GPATCH1: variants seen among roughly 807,000 people sequenced by gnomAD.
GPATCH1 encodes G-patch domain containing 1, also known as G patch domain-containing protein 1.
In GPATCH1, 73 loss-of-function variants were observed where a neutral mutation model predicts 114.9. The observed-to-expected ratio is 0.64, with a 90% confidence interval of 0.53 to 0.77. The LOEUF is 0.77. Among genes scored for constraint, GPATCH1 ranks in the 30% least tolerant of loss-of-function variants. GPATCH1 has a pLI of 0.00. For missense variants in GPATCH1, 1,058 were observed against 1,144.3 expected (o/e 0.92, Z 1.09); for synonymous variants, 391 against 428.4 (o/e 0.91, Z 1.08).
At chr19:33,117,790 C>T (rs1401927147) in intron 15 of GPATCH1, 35 bp from the exon 16 acceptor site, 1 of 1,482,374 alleles carries the variant, frequency 6.7e-7, no homozygotes. Flanking sequence ...ACCCTTGCCT[C>T]TGTATCCCTG....
chr19:33,114,152 T>C lies in GPATCH1; in HGVS notation c.2030-101T>C, dbSNP rs1313342772. The C allele has an allele frequency of 7.7e-6, 9 of 1,164,054 alleles. No individual in the cohort carries two copies. The African/African-American group carries it at 1.1e-4, about 14-fold the overall frequency. 72.1% of individuals were successfully genotyped at this position (1,164,054 alleles called of 1,614,324 possible). On this transcript the variant is annotated intron_variant, in intron 14 of 19. Transcript: ENST00000170564. ...AGGACCCTACACAGTGCCAGGCCCC[T>C]AGTAGGCACGCTGACATTCTGAGTG...
intron 17 of GPATCH1, among the ~76,000 whole-genome samples, chr19:33,121,566 G>T (rs1049889138): frequency 6.6e-6 from 1 of 151,972 alleles, no homozygotes; most frequent in Non-Finnish European, 1.5e-5. Context: ...TGATCTGCCC[G>T]CCTCAGCCTC....
In GPATCH1 at chr19:33,112,603, C is replaced by G. The variant is rs1480179082; in HGVS notation, c.1882C>G (p.Pro628Ala). The G allele has an allele frequency of 6.2e-7, 1 of 1,613,398 alleles. No homozygotes were observed. The highest frequency in any genetic ancestry group is 8.5e-7 in the Non-Finnish European group (1 of 1,179,592). Residue 628 changes from proline to alanine, a missense_variant, in exon 13 of 20, where the codon CCT becomes GCT. By Grantham distance (27) the Pro-to-Ala change is conservative. This residue lies in a region of GPATCH1 where 893 missense variants were observed against 977.4 expected (regional missense o/e 0.91). Coordinates refer to ENST00000170564, the MANE Select transcript of GPATCH1 (RefSeq NM_018025.3). The part of the protein sequence containing the change: ...LLCKRFNVPD[P>A]YPDSTLVGLP... The stretch of plus-strand genomic sequence containing the variant: ...ATGTAAGAGATTTAATGTCCCTGAC[C>G]CTTATCCAGAGTAAGTTGGATAAAC...
intron 9 of GPATCH1, among the ~76,000 whole-genome samples, chr19:33,105,969 C>T (rs1018084059): frequency 1.3e-5 from 2 of 151,826 alleles, no homozygotes; most frequent in Non-Finnish European, 2.9e-5. Context: ...TGCCTCAGCA[C>T]CCCCGAGTAG....
In GPATCH1 at chr19:33,119,102, C is replaced by T; in HGVS notation, c.2506C>T (p.Pro836Ser). ...EREEFGPRLP[P>S]VFCPNARQTL... ...AGAAGAGTTCGGCCCGCGGCTGCCTCCCGTCTTCTGCCCCAGTGAGTGCAG... is the reference window on the plus strand; with the variant it reads ...AGAAGAGTTCGGCCCGCGGCTGCCTTCCGTCTTCTGCCCCAGTGAGTGCAG... Residue 836 changes from proline (P) to serine (S), a missense_variant, in exon 17 of 20, where the codon CCC becomes TCC. Around this residue, in one of 3 missense-constraint regions of GPATCH1, gnomAD observed 893 missense variants for 977.4 expected, o/e 0.91. Coordinates refer to ENST00000170564, the MANE Select transcript of GPATCH1 (RefSeq NM_018025.3). 3 of 1,606,228 alleles carry T rather than the reference C, an allele frequency of 1.9e-6. No homozygotes were observed. Among genetic ancestry groups the T allele is most frequent in the Non-Finnish European group, 2.6e-6 (3 of 1,174,474 alleles).
intron 17 of GPATCH1, among the ~76,000 whole-genome samples, chr19:33,120,548 CAAAAA>C (rs58579147): frequency 2.7e-5 from 2 of 73,002 alleles, no homozygotes; most frequent in African/African-American, 5.1e-5. Context: ...GACTCTGTCT[CAAAAA>C]AAAAAAAAAA....
chr19:33,103,869 C>T (rs545565109), intron 9 of GPATCH1, among the ~76,000 whole-genome samples: 1 of 152,186 alleles, frequency 6.6e-6, no homozygotes, highest in African/African-American at 2.4e-5. Flanking sequence ...TGGAGAGACA[C>T]AGTCCTGGGG....
chr19:33,092,058 T>C (rs1187956837), intron 3 of GPATCH1, among the ~76,000 whole-genome samples: 1 of 151,948 alleles, frequency 6.6e-6, no homozygotes, highest in Admixed American at 6.6e-5. Flanking sequence ...TCTTTTTTTT[T>C]TTTCCTGAGA....
In GPATCH1 at chr19:33,130,111, T is replaced by C; in HGVS notation, c.2766-19T>C. 6.2e-7 allele frequency: 1 copy of C among 1,606,684 alleles called. No homozygotes were observed. Among genetic ancestry groups the C allele is most frequent in the African/African-American group, 1.3e-5 (1 of 74,820 alleles). On this transcript the variant is annotated intron_variant, in intron 19 of 19. Coordinates refer to ENST00000170564, the MANE Select transcript of GPATCH1 (RefSeq NM_018025.3). ...TTTAGCTAACTTTCCATTTCTCTCT[T>C]TTCTGTTTTCTTTTCCAGGCTGAAA...
rs1156272103 is a variant in GPATCH1 at position 33,112,623 on chromosome 19, A to T, written c.1892+10A>T. On this transcript the variant is annotated intron_variant, in intron 13 of 19. Transcript: ENST00000170564. ...CTGACCCTTATCCAGAGTAAGTTGG[A>T]TAAACCTTTACATCAGTACAAAATG... The T allele has an allele frequency of 6.2e-7, 1 of 1,611,416 alleles. No homozygotes were observed. The highest frequency in any genetic ancestry group is 1.3e-5 in the African/African-American group (1 of 74,858).
chr19:33,130,093 A>G, intron 19 of GPATCH1, 37 bp from the exon 20 acceptor site: 1 of 1,586,388 alleles, frequency 6.3e-7, no homozygotes, highest in Non-Finnish European at 8.7e-7. Context: ...CACTTTAGCT[A>G]ACTTTCCATT....
chr19:33,127,130 C>T (rs959831911), intron 19 of GPATCH1, among the ~76,000 whole-genome samples: 7 of 109,172 alleles, frequency 6.4e-5, no homozygotes, highest in African/African-American at 4.4e-4. Flanking sequence ...GCAAGACCCT[C>T]TCCCTAAAAG....
intron 17 of GPATCH1, among the ~76,000 whole-genome samples, chr19:33,121,315 C>CT (rs1972981511): frequency 7.4e-6 from 1 of 134,464 alleles, no homozygotes; most frequent in African/African-American, 3.0e-5. Context: ...TTTTTCTTTT[C>CT]TTTTCTTTTT....
At chr19:33,103,419 GGCC>G (rs1972748701) in intron 9 of GPATCH1, among the ~76,000 whole-genome samples, 1 of 152,162 alleles carries the variant, frequency 6.6e-6, no homozygotes, top group Admixed American at 6.6e-5. Flanking sequence ...GGAAGCATAA[GGCC>G]GGGCACGGTG....
Position 33,130,406 on chromosome 19 carries a change from T to G in GPATCH1, c.*246T>G. On this transcript the variant is annotated 3_prime_UTR_variant, in exon 20 of 20. Coordinates refer to ENST00000170564, the MANE Select transcript of GPATCH1 (RefSeq NM_018025.3). ...CAGTTTAATTAAAGTGGAATTTTTC[T>G]ATTTTCTTCTTGATTTTTAAAAAAT... 1 of 384,116 alleles carries G rather than the reference T, an allele frequency of 2.6e-6. No homozygotes were observed. The highest frequency in any genetic ancestry group is 4.6e-6 in the Non-Finnish European group (1 of 218,296). 23.8% of individuals were successfully genotyped at this position (384,116 alleles called of 1,614,324 possible). A position where few individuals can be genotyped will look rare whatever the true frequency, so the allele number is the denominator to read the frequency against.
chr19:33,096,141 A>G (rs1972655422), intron 6 of GPATCH1, 66 bp from the exon 7 acceptor site: 1 of 1,511,028 alleles, frequency 6.6e-7, no homozygotes, highest in Non-Finnish European at 9.1e-7. Context: ...GTTTTCAATT[A>G]GTATTTTGTG....
chr19:33,118,176 A>AT (rs35859593), intron 16 of GPATCH1, 135 bp downstream of exon 16: 70,543 of 276,656 alleles, frequency 0.25, 6,970 homozygotes, highest in African/African-American at 0.38. Context: ...TATGTATATA[A>AT]TTTTTTTTTT....
Position 33,109,842 on chromosome 19 carries a change from A to G in GPATCH1, c.1411A>G (p.Ser471Gly), listed in dbSNP as rs777925837. Reference sequence around the variant, plus strand: ...CAGGAGTCTGGCCCAGAACGCTCAGAGCAGCAGAGCCCAGCTCTCCCCTGC... The same window carrying G: ...CAGGAGTCTGGCCCAGAACGCTCAGGGCAGCAGAGCCCAGCTCTCCCCTGC... ...KARSLAQNAQSSRAQLSPAAA... is the reference protein window; with the variant it reads ...KARSLAQNAQGSRAQLSPAAA... The change falls in exon 11 of 20, where the codon AGC becomes GGC. Residue 471 changes from serine (S) to glycine (G), a missense_variant. By Grantham distance (56) the Ser-to-Gly change is moderately conservative (BLOSUM62 0). Around this residue, in one of 3 missense-constraint regions of GPATCH1, gnomAD observed 893 missense variants for 977.4 expected, o/e 0.91. Transcript: ENST00000170564. 6.2e-7 allele frequency: 1 copy of G among 1,614,128 alleles called. No individual in the cohort carries two copies. Among genetic ancestry groups the G allele is most frequent in the Non-Finnish European group, 8.5e-7 (1 of 1,179,994 alleles).
At chr19:33,120,294 T>TATATA (rs1568350189) in intron 17 of GPATCH1, among the ~76,000 whole-genome samples, 7 of 100,654 alleles carry the variant, frequency 7.0e-5, no homozygotes, top group Non-Finnish European at 1.3e-4. Flanking sequence ...AAATTATATA[T>TATATA]AAAATTATAT....
Sources: gnomAD v4.1 joint callset for allele counts (sites outside exome capture counted in the v4.1 genomes callset) on GRCh38, gnomAD v4.1.1 for gene constraint, gnomAD v4.1.1 regional missense constraint, MANE v1.5 for transcripts, NCBI Gene and HGNC (gene_info 2026-07-23, HGNC 2026-07-21) for gene names.